INO80: variants seen among roughly 807,000 people sequenced by gnomAD.
INO80 encodes the protein INO80 complex ATPase subunit.
INO80 carries 20 observed loss-of-function variants against 203.4 expected under a neutral mutation model. The observed-to-expected ratio is 0.10, with a 90% confidence interval of 0.07 to 0.14. INO80 has a LOEUF of 0.14. INO80 is among the 10% of genes least tolerant of loss of function. The probability of loss-of-function intolerance (pLI) is 1.00; values close to 1 mark genes in which losing one functional copy is unlikely to be tolerated. For synonymous variants in INO80, 726 were observed against 685.2 expected (o/e 1.06, Z -0.93); for missense variants, 1,419 against 1,914.4 (o/e 0.74, Z 4.83).
Position 41,049,293 on chromosome 15 carries a change from C to T in INO80, c.2570G>A (p.Arg857Gln), listed in dbSNP as rs568969172. Reference sequence around the variant, plus strand: ...GATAGTAATACTTCCCTACCTGTCTCGTGAATGATTGAAGACCCTGATCTG... The same window carrying T: ...GATAGTAATACTTCCCTACCTGTCTTGTGAATGATTGAAGACCCTGATCTG... ...HGQIRVFNHS[R>Q]DRWLRVLSPF... is the part of the protein sequence containing the mutation. The change falls in exon 21 of 36, where the codon CGA becomes CAA. Residue 857 changes from arginine (R) to glutamine (Q), a missense_variant. Physicochemically the swap from Arg to Gln is conservative, Grantham distance 43. Coordinates refer to ENST00000648947, the MANE Select transcript of INO80 (RefSeq NM_017553.3). 9 of 1,611,864 alleles carry T rather than the reference C, an allele frequency of 5.6e-6. No individual in the cohort carries two copies. The highest frequency in any genetic ancestry group is 2.2e-5 in the East Asian group (1 of 44,774).
At position 40,988,072 on chromosome 15, in the gene INO80, T is replaced by A. The variant is rs1290533873; in HGVS notation, c.3571-98A>T. ...TGTCTGTTTGCGAGTTTGGCGTCAG[T>A]AGGGTCTGATTCGTTTCTATGATAT... is the stretch of plus-strand genomic sequence containing the variant. On this transcript the variant is annotated intron_variant, in intron 29 of 35. Transcript: ENST00000648947. 5.1e-6 allele frequency: 5 copies of A among 984,472 alleles called. No homozygotes were observed. The East Asian group carries it at 7.3e-5, about 14-fold the overall frequency. The allele number at this position is 984,472 out of a possible 1,614,324, so 61.0% of individuals were successfully genotyped here.
intron 1 of INO80, among the ~76,000 whole-genome samples, chr15:41,114,708 C>CA (rs760373123): frequency 0.013 from 833 of 65,276 alleles, 5 homozygotes; most frequent in Middle Eastern, 0.027. Context: ...GACTCAGTCT[C>CA]AAAAAAAAAA....
At chr15:41,057,764 A>T (rs7179681) in intron 16 of INO80, among the ~76,000 whole-genome samples, 75,331 of 140,860 alleles carry the variant, frequency 0.53, 21,809 homozygotes, top group African/African-American at 0.77. Context: ...GCCACTGCAC[A>T]CCAGCCTGGG....
At chr15:41,100,199 C>T (rs1349801939) in intron 1 of INO80, among the ~76,000 whole-genome samples, 2 of 152,036 alleles carry the variant, frequency 1.3e-5, no homozygotes, top group Non-Finnish European at 2.9e-5. Flanking sequence ...CTCAGCCTCC[C>T]GAGTAGCTGG....
intron 25 of INO80, among the ~76,000 whole-genome samples, chr15:41,022,296 G>A (rs2044305877): frequency 6.6e-6 from 1 of 152,210 alleles, no homozygotes; most frequent in African/African-American, 2.4e-5. Flanking sequence ...TAGTTAGGTA[G>A]TTCTATCATT....
intron 28 of INO80, among the ~76,000 whole-genome samples, chr15:41,003,922 C>T (rs191985651): frequency 2.6e-5 from 4 of 152,300 alleles, no homozygotes; most frequent in Admixed American, 2.6e-4. Context: ...AACATACAGT[C>T]TATAGCTCGC....
rs571812101 is a variant in INO80 at position 41,071,369 on chromosome 15, A to G, written c.1605+480T>C. Among the ~76,000 whole-genome samples, 404 of 149,172 alleles carry G rather than the reference A, an allele frequency of 2.7e-3. 3 individuals are homozygous for G. Among genetic ancestry groups the G allele is most frequent in the South Asian group, 0.013 (61 of 4,710 alleles). On this transcript the variant is annotated intron_variant, in intron 12 of 35. Transcript: ENST00000648947. The stretch of plus-strand genomic sequence containing the variant: ...CATTAACTCGTCATTTACATTAGGT[A>G]TTTCTCCTACTGCTATCCCTCCCCA...
chr15:41,009,953 C>G (rs903435580), intron 27 of INO80, among the ~76,000 whole-genome samples: 1 of 152,104 alleles, frequency 6.6e-6, no homozygotes, highest in Non-Finnish European at 1.5e-5. Context: ...AATTCTTACA[C>G]GGAACCCCTC....
intron 7 of INO80, among the ~76,000 whole-genome samples, chr15:41,083,576 C>T (rs1287028426): frequency 2.0e-5 from 3 of 151,212 alleles, no homozygotes; most frequent in East Asian, 2.0e-4. Flanking sequence ...TGTGACGGCG[C>T]GCACCTGTAG....
At position 41,002,460 on chromosome 15, in the gene INO80, A is replaced by C. The variant is rs570029635; in HGVS notation, c.3497+3133T>G. ...TTTTTCCACCACAAAGGTACTGCAA[A>C]ATATACTGAGCCCTGGGTCTCACAG... On this transcript the variant is annotated intron_variant, in intron 28 of 35. Coordinates refer to ENST00000648947, the MANE Select transcript of INO80 (RefSeq NM_017553.3). Among the ~76,000 whole-genome samples, 78 of 152,296 alleles carry C rather than the reference A, an allele frequency of 5.1e-4. 1 individual carries two copies. The highest frequency in any genetic ancestry group is 1.8e-3 in the African/African-American group (74 of 41,572).
chr15:41,044,025 C>A (rs1333004453), intron 24 of INO80, among the ~76,000 whole-genome samples: 1 of 152,128 alleles, frequency 6.6e-6, no homozygotes, highest in East Asian at 1.9e-4. Flanking sequence ...CACAACAAAA[C>A]AAAACAAAAC....
At chr15:41,006,568 T>C (rs1044856391) in intron 27 of INO80, among the ~76,000 whole-genome samples, 13 of 152,378 alleles carry the variant, frequency 8.5e-5, no homozygotes, top group South Asian at 6.2e-4. Flanking sequence ...AATGTTCTTA[T>C]ACTGCAATAT....
At chr15:41,051,130 A>AAAAAAAAAAAAAAG (rs1206184710) in intron 19 of INO80, among the ~76,000 whole-genome samples, 3 of 145,064 alleles carry the variant, frequency 2.1e-5, no homozygotes, top group Non-Finnish European at 3.0e-5. Context: ...CTCCATCTCA[A>AAAAAAAAAAAAAAG]AAAAAAAAAA....
intron 9 of INO80, among the ~76,000 whole-genome samples, chr15:41,076,476 T>C (rs1416875655): frequency 6.6e-6 from 1 of 151,980 alleles, no homozygotes; most frequent in Non-Finnish European, 1.5e-5. Context: ...CTTTTTTTTT[T>C]TTTTAATGTC....
chr15:41,113,159 G>A (rs553114602), intron 1 of INO80, among the ~76,000 whole-genome samples: 1 of 152,132 alleles, frequency 6.6e-6, no homozygotes, highest in African/African-American at 2.4e-5. Flanking sequence ...CAAACGATCC[G>A]CCTGCTCAGC....
intron 14 of INO80, among the ~76,000 whole-genome samples, chr15:41,060,614 A>G (rs957318487): frequency 4.6e-5 from 7 of 152,164 alleles, no homozygotes; most frequent in African/African-American, 1.7e-4. Flanking sequence ...AGTTCAAGGA[A>G]AAAGACTCTT....
intron 28 of INO80, among the ~76,000 whole-genome samples, chr15:40,998,300 C>T (rs938991459): frequency 6.6e-6 from 1 of 151,942 alleles, no homozygotes; most frequent in African/African-American, 2.4e-5. Flanking sequence ...GGATTATAGA[C>T]GCGAGCCACC....
chr15:40,983,507 C>T (rs1893913011), intron 34 of INO80, among the ~76,000 whole-genome samples: 1 of 152,000 alleles, frequency 6.6e-6, no homozygotes, highest in Admixed American at 6.6e-5. Context: ...GAGGAAAGGC[C>T]CAGAAAAGCT....
chr15:40,983,333 T>C (rs1893907851), intron 34 of INO80: 1 of 490,008 alleles, frequency 2.0e-6, no homozygotes, highest in Non-Finnish European at 3.7e-6. Flanking sequence ...ACTCCTGAGT[T>C]TCCTCTTTAA....
Sources: gnomAD v4.1 joint callset for allele counts (sites outside exome capture counted in the v4.1 genomes callset) on GRCh38, gnomAD v4.1.1 for gene constraint, MANE v1.5 for transcripts, NCBI Gene and HGNC (gene_info 2026-07-23, HGNC 2026-07-21) for gene names.